Variants in FGF10 observed in about 807,000 individuals in gnomAD.
FGF10 encodes the protein fibroblast growth factor 10, also known as FGF-10.
FGF10 carries 2 observed loss-of-function variants against 19.8 expected under a neutral mutation model. The ratio of observed to expected loss-of-function variants is 0.10; its 90% CI spans 0.04 to 0.32. The LOEUF (loss-of-function observed/expected upper bound fraction) is 0.32. FGF10 is among the 10% of genes least tolerant of loss of function. The probability of loss-of-function intolerance (pLI) is 1.00; values close to 1 mark genes in which losing one functional copy is unlikely to be tolerated. For missense variants in FGF10, 191 were observed against 246.3 expected (o/e 0.78, Z 1.50); for synonymous variants, 112 against 94.0 (o/e 1.19, Z -1.10).
At chr5:44,316,279 A>G (rs1050428227) in intron 1 of FGF10, among the ~76,000 whole-genome samples, 15 of 152,158 alleles carry the variant, frequency 9.9e-5, no homozygotes, top group Non-Finnish European at 2.2e-4. Flanking sequence ...CTCTGCTGCC[A>G]AAAAGGTTGG....
intron 1 of FGF10, among the ~76,000 whole-genome samples, chr5:44,316,647 C>T (rs542600004): frequency 4.7e-4 from 71 of 152,206 alleles, no homozygotes; most frequent in South Asian, 2.3e-3. Flanking sequence ...AGAAGCAGAA[C>T]CACAGACAGG....
intron 1 of FGF10, among the ~76,000 whole-genome samples, chr5:44,340,521 G>GCC (rs1740945991): frequency 6.6e-6 from 1 of 152,074 alleles, no homozygotes; most frequent in Non-Finnish European, 1.5e-5. Context: ...ATAGGACACA[G>GCC]ATAAATGTTT....
chr5:44,388,088 G>T (rs995522084), intron 1 of FGF10, among the ~76,000 whole-genome samples: 1 of 151,794 alleles, frequency 6.6e-6, no homozygotes, highest in South Asian at 2.1e-4. Context: ...CGCCCTGCGT[G>T]GTCCGGCTAG....
At chr5:44,381,299 T>C (rs1347566962) in intron 1 of FGF10, among the ~76,000 whole-genome samples, 1 of 152,156 alleles carries the variant, frequency 6.6e-6, no homozygotes, top group African/African-American at 2.4e-5. Context: ...ATTTACACCA[T>C]TGAAGATTTT....
At chr5:44,357,992 C>A (rs1335725589) in intron 1 of FGF10, among the ~76,000 whole-genome samples, 3 of 151,196 alleles carry the variant, frequency 2.0e-5, no homozygotes, top group African/African-American at 7.3e-5. Context: ...AATCGTGTAC[C>A]CAAGAGGCTG....
At chr5:44,308,238 A>C (rs192083321) in intron 2 of FGF10, among the ~76,000 whole-genome samples, 61 of 152,374 alleles carry the variant, frequency 4.0e-4, no homozygotes, top group Admixed American at 2.0e-4. Context: ...GGCAGAAGAA[A>C]AAAAGAGGAG....
intron 1 of FGF10, among the ~76,000 whole-genome samples, chr5:44,378,580 C>A (rs941513356): frequency 6.6e-6 from 1 of 152,058 alleles, no homozygotes; most frequent in Non-Finnish European, 1.5e-5. Flanking sequence ...CACAGGCGCC[C>A]GCCACCGCGC....
intron 1 of FGF10, among the ~76,000 whole-genome samples, chr5:44,364,286 C>A (rs954130030): frequency 2.6e-5 from 4 of 151,762 alleles, no homozygotes; most frequent in East Asian, 3.9e-4. Context: ...TTGTCATAAT[C>A]AAAAAAATGA....
intron 1 of FGF10, among the ~76,000 whole-genome samples, chr5:44,328,811 A>G (rs1740668942): frequency 6.6e-6 from 1 of 152,174 alleles, no homozygotes. Context: ...CAAAAAGACA[A>G]ATATGTATTC....
At chr5:44,346,183 CA>C (rs1741086947) in intron 1 of FGF10, among the ~76,000 whole-genome samples, 1 of 151,746 alleles carries the variant, frequency 6.6e-6, no homozygotes, top group Non-Finnish European at 1.5e-5. Context: ...CTCCCACCCC[CA>C]TTTACAGTCA....
chr5:44,377,001 C>T (rs1189242062), intron 1 of FGF10, among the ~76,000 whole-genome samples: 3 of 152,148 alleles, frequency 2.0e-5, no homozygotes, highest in Non-Finnish European at 4.4e-5. Context: ...TCACATGATA[C>T]CACCTTCTAC....
At chr5:44,332,034 C>A (rs955785114) in intron 1 of FGF10, among the ~76,000 whole-genome samples, 1 of 151,706 alleles carries the variant, frequency 6.6e-6, no homozygotes, top group African/African-American at 2.4e-5. Flanking sequence ...TCAGAAACAA[C>A]GAATACTATT....
intron 1 of FGF10, among the ~76,000 whole-genome samples, chr5:44,330,981 G>T (rs1740723382): frequency 6.6e-6 from 1 of 152,022 alleles, no homozygotes; most frequent in Admixed American, 6.6e-5. Flanking sequence ...AATAATTAAT[G>T]GTGAGATCAT....
intron 1 of FGF10, among the ~76,000 whole-genome samples, chr5:44,316,491 A>G (rs1253469367): frequency 1.3e-5 from 2 of 152,182 alleles, no homozygotes; most frequent in Non-Finnish European, 2.9e-5. Flanking sequence ...TAGTAATTCT[A>G]GATTGGAGTA....
At chr5:44,331,772 C>T (rs975655289) in intron 1 of FGF10, among the ~76,000 whole-genome samples, 1 of 152,008 alleles carries the variant, frequency 6.6e-6, no homozygotes, top group Non-Finnish European at 1.5e-5. Context: ...AGTTACCAGC[C>T]GGCTGTTAAT....
At chr5:44,312,387 A>G (rs16873956) in intron 1 of FGF10, among the ~76,000 whole-genome samples, 18,320 of 152,044 alleles carry the variant, frequency 0.12, 2,704 homozygotes, top group African/African-American at 0.34. Context: ...ATGGATGTTA[A>G]CACTTAAGCC....
At chr5:44,320,342 T>A (rs796399093) in intron 1 of FGF10, among the ~76,000 whole-genome samples, 1 of 152,206 alleles carries the variant, frequency 6.6e-6, no homozygotes, top group African/African-American at 2.4e-5. Flanking sequence ...CTTCCACCCA[T>A]GCTTCTTTCC....
rs17233952 is a variant in FGF10, at chr5:44,385,995, T to C, written c.325+2363A>G. On this transcript the variant is annotated intron_variant, in intron 1 of 2. Transcript: ENST00000264664. ...CTCCCCTTTCACTGTTAACCGTTGA[T>C]TAAGATTGCATTACCATATAAGATA... Among the ~76,000 whole-genome samples the C allele has an allele frequency of 3.6e-3, 553 of 152,304 alleles. 4 individuals are homozygous for C. Among genetic ancestry groups the C allele is most frequent in the African/African-American group, 0.011 (467 of 41,584 alleles).
intron 1 of FGF10, among the ~76,000 whole-genome samples, chr5:44,345,163 T>G (rs1000813515): frequency 1.3e-5 from 2 of 151,862 alleles, no homozygotes; most frequent in African/African-American, 4.8e-5. Flanking sequence ...TGACCCCATG[T>G]GGGAGTCTGC....
Sources: allele counts gnomAD v4.1 joint callset (sites outside exome capture counted in the v4.1 genomes callset), GRCh38; gene constraint gnomAD v4.1.1; transcripts MANE v1.5; gene names NCBI Gene and HGNC (gene_info 2026-07-23, HGNC 2026-07-21).